Variants in PAFAH1B1 observed in about 807,000 individuals in gnomAD.
The protein encoded by PAFAH1B1 is platelet-activating factor acetylhydrolase IB subunit beta.
Under a neutral mutation model 57.5 loss-of-function variants are expected in PAFAH1B1, and 2 were observed. The observed-to-expected ratio is 0.03, with a 90% CI of 0.01 to 0.11. The LOEUF (loss-of-function observed/expected upper bound fraction) is 0.11. PAFAH1B1 is among the 10% of genes least tolerant of loss of function. The pLI is 1.00. For missense variants in PAFAH1B1, 257 were observed against 512.0 expected (o/e 0.50, Z 4.81); for synonymous variants, 152 against 169.6 (o/e 0.90, Z 0.81).
intron 1 of PAFAH1B1, among the ~76,000 whole-genome samples, chr17:2,609,221 G>T (rs1455268112): frequency 1.3e-5 from 2 of 152,090 alleles, no homozygotes; most frequent in African/African-American, 4.8e-5. Flanking sequence ...TGGTGCTGGG[G>T]CTGGTCTCAG....
intron 2 of PAFAH1B1, chr17:2,641,438 T>G (rs933541780): frequency 6.6e-6 from 1 of 152,190 alleles, no homozygotes; most frequent in Non-Finnish European, 1.5e-5. Flanking sequence ...GGATTACAGA[T>G]GTGAGCCACC....
chr17:2,627,024 T>G (rs1309151584), intron 1 of PAFAH1B1, among the ~76,000 whole-genome samples: 1 of 152,214 alleles, frequency 6.6e-6, no homozygotes, highest in African/African-American at 2.4e-5. Flanking sequence ...TGTGAAGATT[T>G]TCTCCCACCC....
At chr17:2,615,847 G>C (rs1174577743) in intron 1 of PAFAH1B1, among the ~76,000 whole-genome samples, 3 of 152,298 alleles carry the variant, frequency 2.0e-5, no homozygotes, top group African/African-American at 7.2e-5. Flanking sequence ...GATCAGTCTG[G>C]TGTGGCAATA....
intron 5 of PAFAH1B1, chr17:2,667,579 A>G (rs2069123688): frequency 8.1e-6 from 2 of 246,144 alleles, no homozygotes; most frequent in South Asian, 4.8e-5. Flanking sequence ...TGCTTGAACA[A>G]TTTTTGTTCT....
intron 2 of PAFAH1B1, among the ~76,000 whole-genome samples, chr17:2,654,218 T>C (rs1405818999): frequency 6.6e-6 from 1 of 151,812 alleles, no homozygotes; most frequent in Non-Finnish European, 1.5e-5. Flanking sequence ...AAAGACAGTT[T>C]TGCTCTTATC....
intron 5 of PAFAH1B1, among the ~76,000 whole-genome samples, chr17:2,667,791 C>G (rs765974090): frequency 1.3e-5 from 2 of 151,768 alleles, no homozygotes; most frequent in Non-Finnish European, 2.9e-5. Context: ...TTATAAATTA[C>G]GTATTTCATT....
chr17:2,610,620 A>G (rs1339650107), intron 1 of PAFAH1B1, among the ~76,000 whole-genome samples: 3 of 152,224 alleles, frequency 2.0e-5, no homozygotes, highest in African/African-American at 7.2e-5. Context: ...ACGATAGTTG[A>G]TGAGCTTAAA....
rs2069390061 is a variant in PAFAH1B1 at position 2,681,879 on chromosome 17, C to T, written c.*77C>T. 1.0e-6 allele frequency: 1 copy of T among 995,326 alleles called. No homozygotes were observed. Among genetic ancestry groups the T allele is most frequent in the Non-Finnish European group, 1.5e-6 (1 of 649,914 alleles). 61.7% of individuals were successfully genotyped at this position (995,326 alleles called of 1,614,324 possible). A position where few individuals can be genotyped will look rare whatever the true frequency, so the allele number is the denominator to read the frequency against. ...GATACCATGGTTACCCCATTGAGCT[C>T]TGTTTAAATAAATATTGTCCTTTCA... On this transcript the variant is annotated 3_prime_UTR_variant, in exon 11 of 11. Coordinates refer to ENST00000397195, the MANE Select transcript of PAFAH1B1 (RefSeq NM_000430.4).
intron 1 of PAFAH1B1, among the ~76,000 whole-genome samples, chr17:2,627,858 T>C (rs191971692): frequency 6.6e-6 from 1 of 152,280 alleles, no homozygotes; most frequent in African/African-American, 2.4e-5. Flanking sequence ...AGGGGTTGAG[T>C]TCTTGATTTG....
intron 2 of PAFAH1B1, among the ~76,000 whole-genome samples, chr17:2,664,109 G>A (rs1023369075): frequency 6.6e-6 from 1 of 152,082 alleles, no homozygotes; most frequent in Non-Finnish European, 1.5e-5. Flanking sequence ...GTTGATTTTT[G>A]GCATGCTCAT....
chr17:2,676,400 G>C (rs1462439231), intron 8 of PAFAH1B1, 105 bp from the exon 9 acceptor site: 2 of 785,244 alleles, frequency 2.5e-6, no homozygotes, highest in African/African-American at 3.5e-5. Context: ...AAACCAAAAT[G>C]CAACAAAAAA....
chr17:2,596,856 C>T (rs891650853), intron 1 of PAFAH1B1, among the ~76,000 whole-genome samples: 3 of 152,008 alleles, frequency 2.0e-5, no homozygotes, highest in African/African-American at 2.4e-5. Flanking sequence ...GTCAGGAGTT[C>T]GAGACCAGAC....
intron 6 of PAFAH1B1, among the ~76,000 whole-genome samples, chr17:2,671,358 G>A (rs537771665): frequency 2.6e-5 from 4 of 151,308 alleles, no homozygotes; most frequent in Admixed American, 6.6e-5. Flanking sequence ...ATAGGCACGC[G>A]CCACCACGCC....
chr17:2,619,236 T>TC (rs2068387904), intron 1 of PAFAH1B1, among the ~76,000 whole-genome samples: 1 of 152,188 alleles, frequency 6.6e-6, no homozygotes, highest in South Asian at 2.1e-4. Context: ...CACTGTAGAC[T>TC]CCAACTCCTG....
At chr17:2,598,372 C>T (rs866087265) in intron 1 of PAFAH1B1, among the ~76,000 whole-genome samples, 1 of 152,156 alleles carries the variant, frequency 6.6e-6, no homozygotes, top group Admixed American at 6.6e-5. Flanking sequence ...GTCATGCGCT[C>T]TTTTGCCAAA....
chr17:2,676,702 C>G, intron 9 of PAFAH1B1, 96 bp downstream of exon 9: 1 of 812,304 alleles, frequency 1.2e-6, no homozygotes, highest in Non-Finnish European at 2.2e-6. Context: ...CTGAATTATT[C>G]TGGGCTTTAA....
At position 2,654,735 on chromosome 17, in the gene PAFAH1B1, G is replaced by A. The variant is rs749081450; in HGVS notation, c.33-10637G>A. 5.6e-4 allele frequency among the ~76,000 whole-genome samples: 85 copies of A among 151,954 alleles called. 1 individual carries two copies. The highest frequency in any genetic ancestry group is 1.0e-3 in the Non-Finnish European group (68 of 67,980). On this transcript the variant is annotated intron_variant, in intron 2 of 10. Coordinates refer to ENST00000397195, the MANE Select transcript of PAFAH1B1 (RefSeq NM_000430.4). The stretch of plus-strand genomic sequence containing the variant: ...CAGTTCACTGCAGCCTCCGCCTCCC[G>A]GGCTCAAACCATCCTCTCACCTCAG...
At chr17:2,635,953 C>CAAAAAAAAAAAAAAA (rs560825633) in intron 1 of PAFAH1B1, among the ~76,000 whole-genome samples, 2 of 70,874 alleles carry the variant, frequency 2.8e-5, no homozygotes, top group African/African-American at 5.1e-5. Context: ...TAGAAAAATA[C>CAAAAAAAAAAAAAAA]AAAAAAAAAA....
At chr17:2,675,607 A>G (rs893667286) in intron 8 of PAFAH1B1, among the ~76,000 whole-genome samples, 4 of 151,146 alleles carry the variant, frequency 2.6e-5, no homozygotes, top group African/African-American at 9.7e-5. Flanking sequence ...TTTGAGCAAC[A>G]TAGCGAGACC....
Sources: allele counts gnomAD v4.1 joint callset (sites outside exome capture counted in the v4.1 genomes callset), GRCh38; gene constraint gnomAD v4.1.1; transcripts MANE v1.5; gene names NCBI Gene and HGNC (gene_info 2026-07-23, HGNC 2026-07-21).